GLIS3: variants seen among roughly 807,000 people sequenced by gnomAD.
GLIS3 encodes zinc finger protein GLIS3.
Under a neutral mutation model 78.6 loss-of-function variants are expected in GLIS3, and 53 were observed. The ratio of observed to expected loss-of-function variants is 0.67; its 90% CI spans 0.54 to 0.85. The LOEUF is 0.85. Ranked by LOEUF, GLIS3 falls within the 40% of genes least tolerant of loss-of-function variation. The probability of loss-of-function intolerance (pLI) is 0.00; values close to 1 mark genes in which losing one functional copy is unlikely to be tolerated. For synonymous variants in GLIS3, 684 were observed against 509.9 expected (o/e 1.34, Z -4.60); for missense variants, 1,703 against 1,231.1 (o/e 1.38, Z -5.74).
At chr9:4,300,812 A>G (rs1817037452), upstream of GLIS3, among the ~76,000 whole-genome samples, 1 of 151,962 alleles carries the variant, frequency 6.6e-6, no homozygotes, top group Non-Finnish European at 1.5e-5. Flanking sequence ...ATGTATTGCC[A>G]CAGATGCAAG....
chr9:4,090,472 A>G (rs1829404297), intron 4 of GLIS3, among the ~76,000 whole-genome samples: 1 of 152,000 alleles, frequency 6.6e-6, no homozygotes, highest in Non-Finnish European at 1.5e-5. Context: ...AAAAAAAATT[A>G]ATGAGGCTCT....
the GLIS3 span, among the ~76,000 whole-genome samples, chr9:4,424,138 T>C: frequency 2.0e-5 from 3 of 152,202 alleles, no homozygotes; most frequent in Non-Finnish European, 4.4e-5. Context: ...ACCATCAGTG[T>C]AAAAGTTTTT....
intron 2 of GLIS3, among the ~76,000 whole-genome samples, chr9:4,261,204 A>G (rs1450226487): frequency 6.6e-6 from 1 of 152,188 alleles, no homozygotes; most frequent in Non-Finnish European, 1.5e-5. Flanking sequence ...TGAGTTCAAC[A>G]CGGAAAATAT....
At chr9:3,904,228 A>T (rs1163373681) in intron 6 of GLIS3, among the ~76,000 whole-genome samples, 1 of 152,194 alleles carries the variant, frequency 6.6e-6, no homozygotes, top group African/African-American at 2.4e-5. Context: ...TGGGCTTAAC[A>T]TCTACAGTCA....
rs1301752756 is a variant in GLIS3 at position 4,265,920 on chromosome 9, G to GTTTC, written c.388+20117_388+20118insGAAA. On this transcript the variant is annotated intron_variant, in intron 2 of 10. Coordinates refer to ENST00000381971, the MANE Select transcript of GLIS3 (RefSeq NM_001042413.2). ...TGGTTTTTTTTTTGTTTGTCTGTTT[G>GTTTC]TTTGTTTGTTTGTTTGGAGACGGAG... is the stretch of plus-strand genomic sequence containing the variant. 8.6e-4 allele frequency among the ~76,000 whole-genome samples: 97 copies of GTTTC among 112,340 alleles called. 2 individuals are homozygous for GTTTC. The South Asian group carries it at 0.028, about 32-fold the overall frequency. The allele number at this position is 112,340 out of a possible 152,430, so 73.7% of individuals were successfully genotyped here. A position where few individuals can be genotyped will look rare whatever the true frequency, so the allele number is the denominator to read the frequency against.
At chr9:4,150,995 G>C (rs888786119) in intron 2 of GLIS3, 1 of 152,174 alleles carries the variant, frequency 6.6e-6, no homozygotes, top group Non-Finnish European at 1.5e-5. Context: ...GATGGCAGAT[G>C]ATCGACTCCT....
At chr9:4,293,314 A>G (rs1173846577) in intron 1 of GLIS3, among the ~76,000 whole-genome samples, 1 of 152,206 alleles carries the variant, frequency 6.6e-6, no homozygotes, top group Non-Finnish European at 1.5e-5. Flanking sequence ...CCCATCACAC[A>G]TGTAACTGAG....
chr9:4,423,183 C>CAAGT, the GLIS3 span, among the ~76,000 whole-genome samples: 2 of 152,236 alleles, frequency 1.3e-5, no homozygotes, highest in African/African-American at 4.8e-5. Context: ...TTTTAAACAA[C>CAAGT]AAGTGCCGAT....
At chr9:4,201,866 T>G (rs1340763426) in intron 2 of GLIS3, among the ~76,000 whole-genome samples, 1 of 152,144 alleles carries the variant, frequency 6.6e-6, no homozygotes, top group Admixed American at 6.5e-5. Flanking sequence ...CCAGGCATGG[T>G]AGCTCATGCC....
Position 3,919,033 on chromosome 9 carries a change from G to A in GLIS3, c.1983+13327C>T, listed in dbSNP as rs1003851744. On this transcript the variant is annotated intron_variant, in intron 6 of 10. Transcript: ENST00000381971. ...AAAGTGCCCTGAAGGATGGAATGGG[G>A]GACAGTGACCATGTGGGTCTCAGTG... Among the ~76,000 whole-genome samples the A allele has an allele frequency of 5.3e-5, 8 of 152,234 alleles. No homozygotes were observed. The South Asian group carries it at 1.7e-3, about 32-fold the overall frequency.
intron 4 of GLIS3, among the ~76,000 whole-genome samples, chr9:4,070,592 T>C (rs1162106538): frequency 1.3e-5 from 2 of 152,052 alleles, no homozygotes; most frequent in African/African-American, 4.8e-5. Context: ...AGGGTGTGTA[T>C]GTGGGTAGTG....
At chr9:4,389,330 C>T in the GLIS3 span, among the ~76,000 whole-genome samples, 4 of 152,182 alleles carry the variant, frequency 2.6e-5, no homozygotes, top group Non-Finnish European at 5.9e-5. Context: ...TATCTCTTCC[C>T]CTTCAAGGAA....
intron 4 of GLIS3, among the ~76,000 whole-genome samples, chr9:3,956,855 G>A (rs1433805140): frequency 1.3e-5 from 2 of 152,070 alleles, no homozygotes; most frequent in Non-Finnish European, 2.9e-5. Context: ...CATGATGAGA[G>A]CTCCCCAAAA....
chr9:4,372,791 A>G, the GLIS3 span, among the ~76,000 whole-genome samples: 4 of 152,178 alleles, frequency 2.6e-5, no homozygotes, highest in African/African-American at 4.8e-5. Flanking sequence ...TAACTTTTGA[A>G]GGAATCTTGT....
chr9:4,199,487 A>G (rs770113925), intron 2 of GLIS3, among the ~76,000 whole-genome samples: 20 of 149,550 alleles, frequency 1.3e-4, no homozygotes, highest in Middle Eastern at 3.6e-3. Context: ...TAAGTTATAT[A>G]TAAGTTTATA....
intron 2 of GLIS3, among the ~76,000 whole-genome samples, chr9:4,277,660 A>C (rs1827151506): frequency 6.6e-6 from 1 of 152,228 alleles, no homozygotes; most frequent in Non-Finnish European, 1.5e-5. Context: ...CCCAGCAAGA[A>C]ATGTCAGAAG....
chr9:4,144,911 C>T (rs1239804254), intron 2 of GLIS3: 1 of 152,200 alleles, frequency 6.6e-6, no homozygotes, highest in East Asian at 1.9e-4. Flanking sequence ...ACAAGAGTTA[C>T]TTGTTCTTCA....
At chr9:4,011,341 A>G (rs1196863936) in intron 4 of GLIS3, among the ~76,000 whole-genome samples, 1 of 152,174 alleles carries the variant, frequency 6.6e-6, no homozygotes, top group Non-Finnish European at 1.5e-5. Context: ...GTCCTCAAGG[A>G]GTTTGTGGTA....
the GLIS3 span, among the ~76,000 whole-genome samples, chr9:4,481,684 C>T: frequency 6.6e-6 from 1 of 152,154 alleles, no homozygotes; most frequent in Non-Finnish European, 1.5e-5. Flanking sequence ...GTTCACTTTA[C>T]TAGACAGTTA....
Sources: gnomAD v4.1 joint callset for allele counts (sites outside exome capture counted in the v4.1 genomes callset) on GRCh38, gnomAD v4.1.1 for gene constraint, MANE v1.5 for transcripts, NCBI Gene and HGNC (gene_info 2026-07-23, HGNC 2026-07-21) for gene names.